Variants in IFT56 observed in about 807,000 individuals in gnomAD.
IFT56 encodes the protein intraflagellar transport 56, also known as intraflagellar transport protein 56.
chr7:139,165,086 T>C, the IFT56 span: 2 of 1,479,294 alleles, frequency 1.4e-6, no homozygotes, highest in Non-Finnish European at 1.9e-6. Context: ...CACCAATAAA[T>C]ATATACATCA....
the IFT56 span, among the ~76,000 whole-genome samples, chr7:139,162,028 T>C: frequency 6.6e-6 from 1 of 152,242 alleles, no homozygotes; most frequent in East Asian, 1.9e-4. Flanking sequence ...ATATGGAAGG[T>C]TTTCAATCGC....
At chr7:139,152,939 A>G in the IFT56 span, among the ~76,000 whole-genome samples, 2 of 152,056 alleles carry the variant, frequency 1.3e-5, no homozygotes, top group Admixed American at 1.3e-4. Context: ...GCCTGAGCTC[A>G]GGAGTTCGAG....
At chr7:139,148,818 G>GT in the IFT56 span, among the ~76,000 whole-genome samples, 1 of 149,258 alleles carries the variant, frequency 6.7e-6, no homozygotes, top group South Asian at 2.1e-4. Flanking sequence ...CTACTGGGGG[G>GT]TTCGGGGGGC....
the IFT56 span, chr7:139,173,898 G>T: frequency 1.4e-6 from 1 of 705,336 alleles, no homozygotes; most frequent in South Asian, 1.5e-5. Flanking sequence ...TTGAAGCTCT[G>T]GTTCTTCTTT....
At chr7:139,142,124 T>A in the IFT56 span, 2 of 903,386 alleles carry the variant, frequency 2.2e-6, no homozygotes, top group Non-Finnish European at 3.6e-6. Context: ...TCAAACAATA[T>A]GTATTCTAGC....
chr7:139,169,589 A>G, the IFT56 span, among the ~76,000 whole-genome samples: 1 of 152,208 alleles, frequency 6.6e-6, no homozygotes, highest in Admixed American at 6.5e-5. Flanking sequence ...AAAACTTTGA[A>G]TCAGTTTTAG....
chr7:139,160,621 A>G, the IFT56 span, among the ~76,000 whole-genome samples: 2 of 152,070 alleles, frequency 1.3e-5, no homozygotes, highest in Non-Finnish European at 2.9e-5. Flanking sequence ...TAGTAGAAAC[A>G]GGGTTTCACC....
At chr7:139,171,780 CAA>C in the IFT56 span, among the ~76,000 whole-genome samples, 1 of 152,140 alleles carries the variant, frequency 6.6e-6, no homozygotes, top group African/African-American at 2.4e-5. Context: ...TTGGTGTGGG[CAA>C]AGACTTCTTT....
At chr7:139,173,103 ACT>A in the IFT56 span, 6 of 716,358 alleles carry the variant, frequency 8.4e-6, no homozygotes, top group East Asian at 1.0e-4. Flanking sequence ...TGGTTGGCTG[ACT>A]CTCTGTGGAC....
At chr7:139,169,193 A>G in the IFT56 span, 2 of 1,057,880 alleles carry the variant, frequency 1.9e-6, no homozygotes, top group African/African-American at 3.2e-5. Context: ...AAACAAAGGT[A>G]TATTTAAATC....
chr7:139,163,888 A>AT, the IFT56 span, among the ~76,000 whole-genome samples: 1 of 152,168 alleles, frequency 6.6e-6, no homozygotes, highest in Non-Finnish European at 1.5e-5. Context: ...GAGAGAAGAG[A>AT]TTTTGTAGTT....
the IFT56 span, among the ~76,000 whole-genome samples, chr7:139,153,701 A>C: frequency 1.3e-5 from 2 of 152,142 alleles, no homozygotes; most frequent in Non-Finnish European, 2.9e-5. Context: ...TCGTTTTATG[A>C]ATATACCTCT....
the IFT56 span, chr7:139,165,358 C>A: frequency 1.5e-6 from 1 of 662,062 alleles, no homozygotes; most frequent in African/African-American, 1.8e-5. Flanking sequence ...GCAACAAGTT[C>A]ATAGAACAAG....
the IFT56 span, among the ~76,000 whole-genome samples, chr7:139,187,100 CA>C: frequency 2.5e-3 from 130 of 51,622 alleles, no homozygotes; most frequent in Admixed American, 4.1e-3. Flanking sequence ...GACTCCGTCT[CA>C]AAAAAAAAAA....
chr7:139,136,537 C>T, the IFT56 span, among the ~76,000 whole-genome samples: 1 of 152,094 alleles, frequency 6.6e-6, no homozygotes, highest in East Asian at 1.9e-4. Flanking sequence ...GCAGCCTCAA[C>T]CTCCCAGGGC....
chr7:139,148,782 G>A, the IFT56 span, among the ~76,000 whole-genome samples: 2 of 151,490 alleles, frequency 1.3e-5, no homozygotes, highest in Admixed American at 6.6e-5. Context: ...TTAGCTGGGT[G>A]TGGTGGTGCA....
At chr7:139,171,582 G>A in the IFT56 span, among the ~76,000 whole-genome samples, 1 of 152,080 alleles carries the variant, frequency 6.6e-6, no homozygotes, top group Admixed American at 6.5e-5. Flanking sequence ...CCAAGAACCT[G>A]TAGAGAAAGG....
chr7:139,156,707 T>G, the IFT56 span, among the ~76,000 whole-genome samples: 5 of 152,306 alleles, frequency 3.3e-5, no homozygotes, highest in South Asian at 1.0e-3. Context: ...AATAACTCAT[T>G]GTTTCAGACC....
the IFT56 span, among the ~76,000 whole-genome samples, chr7:139,159,646 C>G: frequency 1.5e-3 from 233 of 152,190 alleles, 1 homozygote; most frequent in Non-Finnish European, 2.8e-3. Flanking sequence ...ATGTGACAAT[C>G]CATCTATCCT....
Sources: allele counts gnomAD v4.1 joint callset (sites outside exome capture counted in the v4.1 genomes callset), GRCh38; gene constraint gnomAD v4.1.1; transcripts MANE v1.5; gene names NCBI Gene and HGNC (gene_info 2026-07-23, HGNC 2026-07-21).